ZNF804B: variants seen among roughly 807,000 people sequenced by gnomAD.
ZNF804B encodes zinc finger protein 804B, also known as zinc finger 804B.
Under a neutral mutation model 101.4 loss-of-function variants are expected in ZNF804B, and 80 were observed. The ratio of observed to expected loss-of-function variants is 0.79; its 90% CI spans 0.66 to 0.95. ZNF804B has a LOEUF of 0.95. Among genes scored for constraint, ZNF804B ranks in the 40% least tolerant of loss-of-function variants. The probability of loss-of-function intolerance (pLI) is 0.00; values close to 1 mark genes in which losing one functional copy is unlikely to be tolerated. For synonymous variants in ZNF804B, 622 were observed against 558.8 expected, an observed-to-expected ratio of 1.11 and a Z score of -1.59; for missense variants, 1,673 against 1,561.9, an observed-to-expected ratio of 1.07 and a Z score of -1.20.
chr7:88,982,511 C>A (rs1455844563), intron 1 of ZNF804B, among the ~76,000 whole-genome samples: 2 of 152,086 alleles, frequency 1.3e-5, no homozygotes, highest in African/African-American at 4.8e-5. Context: ...GGGCCTCTCT[C>A]TTTGGCATGC....
chr7:89,336,485 A>T lies in ZNF804B; in HGVS notation c.3503A>T (p.His1168Leu). The T allele has an allele frequency of 6.2e-7, 1 of 1,614,104 alleles. No homozygotes were observed. Among genetic ancestry groups the T allele is most frequent in the Non-Finnish European group, 8.5e-7 (1 of 1,180,012 alleles). The change falls in exon 4 of 4, where the codon CAT (histidine) becomes CTT (leucine). Residue 1168 changes from histidine to leucine, a missense_variant. Physicochemically the swap from His to Leu is moderately conservative, Grantham distance 99. Coordinates refer to ENST00000333190, the MANE Select transcript of ZNF804B (RefSeq NM_181646.5). ...YKILQLQAQQHMQKQLLSKHL... is the reference protein window; with the variant it reads ...YKILQLQAQQLMQKQLLSKHL... ...ATCCTACAGCTACAAGCCCAGCAGC[A>T]TATGCAGAAGCAACTCCTATCAAAG... is the stretch of plus-strand genomic sequence containing the variant.
intron 1 of ZNF804B, among the ~76,000 whole-genome samples, chr7:88,765,483 T>C (rs965426644): frequency 6.6e-6 from 1 of 152,204 alleles, no homozygotes; most frequent in African/African-American, 2.4e-5. Context: ...CAGTTGGTTT[T>C]AGGCTGTGTT....
At chr7:88,931,650 C>A (rs969276403) in intron 1 of ZNF804B, among the ~76,000 whole-genome samples, 4 of 151,776 alleles carry the variant, frequency 2.6e-5, no homozygotes, top group Non-Finnish European at 5.9e-5. Flanking sequence ...GTGTTATCAT[C>A]TGATTATCTG....
chr7:89,003,614 A>G (rs1475962263), intron 1 of ZNF804B, among the ~76,000 whole-genome samples: 2 of 151,994 alleles, frequency 1.3e-5, no homozygotes, highest in African/African-American at 4.8e-5. Flanking sequence ...TGATGAAGAA[A>G]CTAAGGCTCA....
intron 1 of ZNF804B, among the ~76,000 whole-genome samples, chr7:89,202,706 C>A (rs1280445547): frequency 3.3e-5 from 5 of 152,070 alleles, no homozygotes; most frequent in Non-Finnish European, 5.9e-5. Context: ...ATTAATTGCT[C>A]TGCCATTGGT....
intron 1 of ZNF804B, among the ~76,000 whole-genome samples, chr7:89,026,845 T>G (rs972079586): frequency 1.3e-5 from 2 of 152,050 alleles, no homozygotes; most frequent in African/African-American, 4.8e-5. Context: ...AAATGGAGCT[T>G]TTGGTGAAGA....
chr7:89,327,395 T>C lies in ZNF804B; in HGVS notation c.301T>C (p.Ser101Pro), dbSNP rs1790912009. 6.2e-7 allele frequency: 1 copy of C among 1,611,168 alleles called. No homozygotes were observed. The highest frequency in any genetic ancestry group is 8.5e-7 in the Non-Finnish European group (1 of 1,178,484). Residue 101 changes from serine to proline, a missense_variant, in exon 3 of 4, where the codon TCA becomes CCA. By Grantham distance (74) the Ser-to-Pro change is moderately conservative (BLOSUM62 -1). Coordinates refer to ENST00000333190, the MANE Select transcript of ZNF804B (RefSeq NM_181646.5). The part of the protein sequence containing the change: ...REFARNVASK[S>P]WKDEKKQEKA... ...ATTTGCTCGAAATGTAGCTTCTAAG[T>C]CATGGAAAGATGAGAAAAAACAAGA...
chr7:88,833,221 T>C (rs906807130), intron 1 of ZNF804B, among the ~76,000 whole-genome samples: 1 of 151,758 alleles, frequency 6.6e-6, no homozygotes, highest in Admixed American at 6.6e-5. Flanking sequence ...TCAAGGATGA[T>C]AGGAAAAAGA....
At chr7:89,065,998 A>G (rs903426065) in intron 1 of ZNF804B, among the ~76,000 whole-genome samples, 3 of 152,246 alleles carry the variant, frequency 2.0e-5, no homozygotes, top group African/African-American at 7.2e-5. Flanking sequence ...TTGGGGAACC[A>G]TTATTCTGCC....
intron 2 of ZNF804B, among the ~76,000 whole-genome samples, chr7:89,282,631 A>G (rs952110478): frequency 1.3e-5 from 2 of 152,152 alleles, no homozygotes; most frequent in Non-Finnish European, 1.5e-5. Context: ...TGCTGCTGTG[A>G]TCAAAATGTG....
At chr7:89,257,767 A>ACT (rs1382499237) in intron 2 of ZNF804B, among the ~76,000 whole-genome samples, 1 of 151,616 alleles carries the variant, frequency 6.6e-6, no homozygotes, top group African/African-American at 2.4e-5. Context: ...CCTTCCTCCA[A>ACT]CTCTCCATCA....
At chr7:89,057,311 G>A (rs1369019531) in intron 1 of ZNF804B, among the ~76,000 whole-genome samples, 1 of 151,978 alleles carries the variant, frequency 6.6e-6, no homozygotes, top group African/African-American at 2.4e-5. Flanking sequence ...CAGCCGGATT[G>A]ATGCTTAACT....
chr7:88,948,133 C>T (rs192632271), intron 1 of ZNF804B, among the ~76,000 whole-genome samples: 57 of 151,752 alleles, frequency 3.8e-4, no homozygotes, highest in African/African-American at 1.3e-3. Flanking sequence ...CCTTGATAAC[C>T]GGAGATGGGG....
intron 1 of ZNF804B, among the ~76,000 whole-genome samples, chr7:88,884,283 A>G (rs1438731172): frequency 6.6e-6 from 1 of 151,786 alleles, no homozygotes; most frequent in African/African-American, 2.4e-5. Flanking sequence ...TATTATATGT[A>G]TTTTAAATAC....
chr7:88,785,284 C>T (rs1172086886), intron 1 of ZNF804B, among the ~76,000 whole-genome samples: 1 of 151,932 alleles, frequency 6.6e-6, no homozygotes, highest in Non-Finnish European at 1.5e-5. Context: ...CTTTCCTCTT[C>T]TTAACATTCT....
chr7:88,809,563 A>G (rs1029477368), intron 1 of ZNF804B, among the ~76,000 whole-genome samples: 1 of 152,196 alleles, frequency 6.6e-6, no homozygotes, highest in Non-Finnish European at 1.5e-5. Flanking sequence ...TGCTAGACTA[A>G]TAATTTATAA....
chr7:88,935,982 CTT>C (rs1792962394), intron 1 of ZNF804B, among the ~76,000 whole-genome samples: 1 of 149,404 alleles, frequency 6.7e-6, no homozygotes, highest in South Asian at 2.1e-4. Context: ...CTTTTTCTCT[CTT>C]TCTCCCTCCC....
intron 1 of ZNF804B, among the ~76,000 whole-genome samples, chr7:88,944,923 AC>A (rs1266184067): frequency 6.6e-6 from 1 of 151,406 alleles, no homozygotes; most frequent in Non-Finnish European, 1.5e-5. Context: ...TATATATAAA[AC>A]ATAAAAGATG....
intron 1 of ZNF804B, among the ~76,000 whole-genome samples, chr7:89,002,467 C>T (rs1016899577): frequency 6.6e-6 from 1 of 151,800 alleles, no homozygotes; most frequent in African/African-American, 2.4e-5. Flanking sequence ...AAGCAGTTTA[C>T]ATGCAGTGTA....
Sources: gnomAD v4.1 joint callset for allele counts (sites outside exome capture counted in the v4.1 genomes callset) on GRCh38, gnomAD v4.1.1 for gene constraint, MANE v1.5 for transcripts, NCBI Gene and HGNC (gene_info 2026-07-23, HGNC 2026-07-21) for gene names.